DHX58: variants seen among roughly 807,000 people sequenced by gnomAD.
The protein encoded by DHX58 is ATP-dependent RNA helicase DHX58.
A neutral mutation model predicts 65.0 loss-of-function variants in DHX58; 51 were observed. The ratio of observed to expected loss-of-function variants is 0.78; its 90% CI spans 0.63 to 0.99. The LOEUF (loss-of-function observed/expected upper bound fraction) is 0.99, where lower values mean the gene tolerates loss of function less well. Among genes scored for constraint, DHX58 ranks in the 50% least tolerant of loss-of-function variants. The probability of loss-of-function intolerance (pLI) is 0.00; values close to 1 mark genes in which losing one functional copy is unlikely to be tolerated. For missense variants in DHX58, 773 were observed against 891.8 expected, an observed-to-expected ratio of 0.87 and a Z score of 1.70; for synonymous variants, 350 against 365.0, an observed-to-expected ratio of 0.96 and a Z score of 0.47.
intron 7 of DHX58, 89 bp from the exon 8 acceptor site, chr17:42,107,884 G>C: frequency 3.2e-6 from 5 of 1,572,154 alleles, no homozygotes; most frequent in Non-Finnish European, 4.3e-6. Flanking sequence ...TCCACCCCTG[G>C]GGTGGATAGG....
chr17:42,109,336 G>T lies in DHX58; in HGVS notation c.612C>A (p.Cys204Ter). 1 of 1,613,930 alleles carries T rather than the reference G, an allele frequency of 6.2e-7. No homozygotes were observed. Among genetic ancestry groups the T allele is most frequent in the South Asian group, 1.1e-5 (1 of 90,968 alleles). The part of the protein sequence containing the change: ...TWCIMSPQNC[C>*]PQLQEHSQQP... ...GTTGGCTGTGCTCCTGCAGCTGGGG[G>T]CAGCAGTTCTGGGGTGACATGATGC... Residue 204 changes from cysteine (C) to a stop codon, truncating the protein, a stop_gained, in exon 6 of 14, where the codon TGC (cysteine) becomes TGA (stop). Coordinates refer to ENST00000251642, the MANE Select transcript of DHX58 (RefSeq NM_024119.3). LOFTEE classifies it high-confidence loss of function.
intron 5 of DHX58, 47 bp downstream of exon 5, chr17:42,110,676 G>A: frequency 2.0e-6 from 3 of 1,530,180 alleles, no homozygotes; most frequent in Non-Finnish European, 2.6e-6. Context: ...AGGGAGGGAA[G>A]TCCCTGGTGG....
At chr17:42,104,952 C>T (rs782240738) in intron 10 of DHX58, 25 bp from the exon 11 acceptor site, 26 of 1,613,266 alleles carry the variant, frequency 1.6e-5, no homozygotes, top group African/African-American at 2.7e-5. Context: ...AAGGGGTGTC[C>T]TGAGTTGGGC....
intron 8 of DHX58, among the ~76,000 whole-genome samples, 179 bp from the exon 9 acceptor site, chr17:42,106,168 A>AG (rs1406647219): frequency 6.6e-6 from 1 of 151,590 alleles, no homozygotes; most frequent in Non-Finnish European, 1.5e-5. Context: ...GGGAAAAAAA[A>AG]AAAGAAAGCA....
rs781787345 is a variant in DHX58, at chr17:42,103,600, G to A, written c.1754+8C>T. ...CCCCATCCCAGTAGCCCCTTCCACA[G>A]GTCTCACGAGAAGTTGGGGTTCACA... On this transcript the variant is annotated splice_region_variant and intron_variant, in intron 12 of 13. Coordinates refer to ENST00000251642, the MANE Select transcript of DHX58 (RefSeq NM_024119.3). 1 of 1,613,764 alleles carries A rather than the reference G, an allele frequency of 6.2e-7. No individual in the cohort carries two copies. Among genetic ancestry groups the A allele is most frequent in the African/African-American group, 1.3e-5 (1 of 74,928 alleles).
intron 5 of DHX58, 50 bp downstream of exon 5, chr17:42,110,673 G>T: frequency 1.3e-6 from 2 of 1,525,754 alleles, no homozygotes; most frequent in East Asian, 2.3e-5. Flanking sequence ...GGGAGGGAGG[G>T]AAGTCCCTGG....
In DHX58 at chr17:42,101,690, A is replaced by C. The variant is rs575452607; in HGVS notation, c.*71T>G. On this transcript the variant is annotated 3_prime_UTR_variant, in exon 14 of 14. Transcript: ENST00000251642. ...GCCCACAGCTGATGATTCAGGAAGG[A>C]GGGGCCTGGAGTCTGCTGCAGACTC... 6.5e-7 allele frequency: 1 copy of C among 1,549,234 alleles called. No homozygotes were observed. The highest frequency in any genetic ancestry group is 2.3e-5 in the East Asian group (1 of 44,096).
rs202158569 is a variant in DHX58, at chr17:42,107,365, A to AT, written c.997+238dup. ...TGGGTGACAGAGCAAGACCCCGACT[A>AT]TTAAAAAAAAAAAAAAAGTCAACAA... On this transcript the variant is annotated intron_variant, in intron 8 of 13. Coordinates refer to ENST00000251642, the MANE Select transcript of DHX58 (RefSeq NM_024119.3). Among the ~76,000 whole-genome samples the AT allele has an allele frequency of 1.6e-3, 187 of 114,960 alleles. 2 individuals are homozygous for AT. The highest frequency in any genetic ancestry group is 0.011 in the African/African-American group (158 of 14,050). 75.4% of individuals were successfully genotyped at this position (114,960 alleles called of 152,430 possible).
In DHX58 at chr17:42,107,367, TA is replaced by T. The variant is rs1555662926; in HGVS notation, c.997+236del. 3.8e-3 allele frequency among the ~76,000 whole-genome samples: 531 copies of T among 139,902 alleles called. 1 individual carries two copies. The highest frequency in any genetic ancestry group is 4.9e-3 in the Non-Finnish European group (307 of 63,028). The allele number at this position is 139,902 out of a possible 152,430, so 91.8% of individuals were successfully genotyped here. ...GGTGACAGAGCAAGACCCCGACTAT[TA>T]AAAAAAAAAAAAAAGTCAACAATGT... is the stretch of plus-strand genomic sequence containing the variant. On this transcript the variant is annotated intron_variant, in intron 8 of 13. Coordinates refer to ENST00000251642, the MANE Select transcript of DHX58 (RefSeq NM_024119.3).
In DHX58 at chr17:42,111,435, C is replaced by A; in HGVS notation, c.231G>T (p.Val77=). Residue 77 remains valine (V), a synonymous_variant, in exon 4 of 14, where the codon GTG becomes GTT. Coordinates refer to ENST00000251642, the MANE Select transcript of DHX58 (RefSeq NM_024119.3). ...FRRMLDGRWT[V]TTLSGDMGPR... Reference sequence around the variant, plus strand: ...GTCCCATGTCCCCACTCAGGGTTGTCACGGTCCAGCGTCCATCCAGCATGC... The same window carrying A: ...GTCCCATGTCCCCACTCAGGGTTGTAACGGTCCAGCGTCCATCCAGCATGC... 1 of 1,614,216 alleles carries A rather than the reference C, an allele frequency of 6.2e-7. No individual in the cohort carries two copies. Among genetic ancestry groups the A allele is most frequent in the African/African-American group, 1.3e-5 (1 of 75,056 alleles).
intron 6 of DHX58, 26 bp downstream of exon 6, chr17:42,109,244 C>G: frequency 6.3e-7 from 1 of 1,595,482 alleles, no homozygotes; most frequent in Non-Finnish European, 8.6e-7. Context: ...GGCTCCCGCT[C>G]TCGCCGTGTC....
intron 9 of DHX58, 88 bp downstream of exon 9, chr17:42,105,648 C>A: frequency 6.7e-7 from 1 of 1,484,778 alleles, no homozygotes; most frequent in Non-Finnish European, 8.9e-7. Context: ...CTCCCTGCCC[C>A]CACCTCTCTG....
At chr17:42,105,294 C>T in intron 9 of DHX58, 127 bp from the exon 10 acceptor site, 2 of 1,237,160 alleles carry the variant, frequency 1.6e-6, no homozygotes, top group Non-Finnish European at 2.2e-6. Flanking sequence ...CCCTAGAGTA[C>T]TTGAATCCCA....
rs782641744 is a variant in DHX58, at chr17:42,101,840, G to C, written c.1958C>G (p.Ser653Cys). Reference sequence around the variant, plus strand: ...GTCAGGCACGGAGAAGGGCACGCGGGACCACTTTTTGGCCTGGATCCGCCC... The same window carrying C: ...GTCAGGCACGGAGAAGGGCACGCGGCACCACTTTTTGGCCTGGATCCGCCC... The part of the protein sequence containing the change: ...PQGRIQAKKW[S>C]RVPFSVPDFD... The change falls in exon 14 of 14, where the codon TCC becomes TGC. Residue 653 changes from serine (S) to cysteine (C), a missense_variant. Coordinates refer to ENST00000251642, the MANE Select transcript of DHX58 (RefSeq NM_024119.3). The C allele has an allele frequency of 5.0e-6, 8 of 1,614,130 alleles. No homozygotes were observed. In the Admixed American group the frequency reaches 1.2e-4, roughly 24 times the overall value.
In DHX58 at chr17:42,102,325, G is replaced by A. The variant is rs192284653; in HGVS notation, c.1755-13C>T. ...ATTATAGTAGTTCCTGGAGAGGAAG[G>A]GGGGTGGCCACAGCCCTCATTGACC... On this transcript the variant is annotated splice_polypyrimidine_tract_variant and intron_variant, in intron 12 of 13. Coordinates refer to ENST00000251642, the MANE Select transcript of DHX58 (RefSeq NM_024119.3). 65 of 1,612,060 alleles carry A rather than the reference G, an allele frequency of 4.0e-5. No individual in the cohort carries two copies. The highest frequency in any genetic ancestry group is 6.7e-5 in the Admixed American group (4 of 60,006).
intron 13 of DHX58, 44 bp downstream of exon 13, chr17:42,102,170 CTG>C (rs1223605300): frequency 6.2e-7 from 1 of 1,603,780 alleles, no homozygotes; most frequent in Non-Finnish European, 8.5e-7. Context: ...CCTCTGAAGA[CTG>C]GGGCTGAGGA....
chr17:42,109,303 G>T lies in DHX58; in HGVS notation c.645C>A (p.Cys215Ter), dbSNP rs377047131. 6.8e-6 allele frequency: 11 copies of T among 1,613,532 alleles called. No individual in the cohort carries two copies. Among genetic ancestry groups the T allele is most frequent in the East Asian group, 2.2e-5 (1 of 44,888 alleles). ...GCCTGTGGCAGAGGTTGTACTGTTT[G>T]CAAGGCTGTTGGCTGTGCTCCTGCA... ...PQLQEHSQQP[C>*]KQYNLCHRRS... is the part of the protein sequence containing the mutation. Residue 215 changes from cysteine to a stop codon, truncating the protein, a stop_gained, in exon 6 of 14, where the codon TGC becomes TGA. Transcript: ENST00000251642. LOFTEE classifies it high-confidence loss of function.
chr17:42,103,331 G>T, intron 12 of DHX58: 2 of 473,034 alleles, frequency 4.2e-6, no homozygotes, highest in South Asian at 4.8e-5. Context: ...AGGACCAGAG[G>T]GTCAATGTGT....
At chr17:42,103,318 G>T in intron 12 of DHX58, 1 of 438,974 alleles carries the variant, frequency 2.3e-6, no homozygotes, top group East Asian at 4.9e-5. Flanking sequence ...CTTCGGAATA[G>T]GTAGGACCAG....
Sources: allele counts gnomAD v4.1 joint callset (sites outside exome capture counted in the v4.1 genomes callset), GRCh38; gene constraint gnomAD v4.1.1; transcripts MANE v1.5; gene names NCBI Gene and HGNC (gene_info 2026-07-23, HGNC 2026-07-21).